The following MITF variants were observed in gnomAD, a reference collection of about 807,000 sequenced individuals.
The protein encoded by MITF is microphthalmia-associated transcription factor.
MITF carries 17 observed loss-of-function variants against 60.5 expected under a neutral mutation model. That is an observed-to-expected ratio of 0.28 (90% CI 0.19 to 0.42). MITF has a LOEUF of 0.42. MITF is among the 10% of genes least tolerant of loss of function. The pLI is 1.00. For synonymous variants in MITF, 260 were observed against 248.5 expected, an observed-to-expected ratio of 1.05 and a Z score of -0.43; for missense variants, 622 against 683.5, an observed-to-expected ratio of 0.91 and a Z score of 1.00.
rs375453566 is a variant in MITF at position 69,788,841 on chromosome 3, A to G, written c.104+49140A>G. On this transcript the variant is annotated intron_variant, in intron 1 of 9. Transcript: ENST00000352241. ...TTGACAAGGGTGCCAAGATGATTCA[A>G]TGAAGTAAGGACAGTCTCTTCATCA... 5.4e-4 allele frequency among the ~76,000 whole-genome samples: 83 copies of G among 152,332 alleles called. No individual in the cohort carries two copies. In the South Asian group the frequency reaches 0.017, roughly 31 times the overall value.
At chr3:69,930,731 C>G (rs532415969) in intron 2 of MITF, among the ~76,000 whole-genome samples, 9 of 152,394 alleles carry the variant, frequency 5.9e-5, no homozygotes, top group African/African-American at 2.2e-4. Context: ...GCTGGGTCAG[C>G]ATCCCCTGGC....
intron 1 of MITF, among the ~76,000 whole-genome samples, chr3:69,768,285 C>T (rs1559618593): frequency 6.6e-6 from 1 of 152,190 alleles, no homozygotes; most frequent in Non-Finnish European, 1.5e-5. Context: ...AGATAAACCT[C>T]AAGGTCTGTG....
chr3:69,965,911 A>G lies in MITF; in HGVS notation c.*663A>G. The G allele has an allele frequency of 4.3e-6, 1 of 231,686 alleles. No homozygotes were observed. Among genetic ancestry groups the G allele is most frequent in the South Asian group, 1.8e-4 (1 of 5,524 alleles). The allele number at this position is 231,686 out of a possible 1,614,324, so 14.4% of individuals were successfully genotyped here. A position where few individuals can be genotyped will look rare whatever the true frequency, so the allele number is the denominator to read the frequency against. ...GGGAGTTAGACCAAGGCTCTGAAAT[A>G]TAAAGTCTAATCTTGCTCTCTTTTA... On this transcript the variant is annotated 3_prime_UTR_variant, in exon 10 of 10. Coordinates refer to ENST00000352241, the MANE Select transcript of MITF (RefSeq NM_001354604.2).
chr3:69,856,369 A>C (rs1216251435), intron 1 of MITF, among the ~76,000 whole-genome samples: 3 of 152,236 alleles, frequency 2.0e-5, no homozygotes, highest in Non-Finnish European at 4.4e-5. Context: ...TGAAATTGAA[A>C]GAAAATTGTT....
intron 1 of MITF, among the ~76,000 whole-genome samples, chr3:69,742,405 T>C (rs1050412073): frequency 4.6e-5 from 7 of 152,118 alleles, no homozygotes; most frequent in African/African-American, 1.7e-4. Context: ...AAACCTCAAG[T>C]CAGATCCTGT....
At chr3:69,820,205 A>G (rs1347408564) in intron 1 of MITF, among the ~76,000 whole-genome samples, 1 of 152,224 alleles carries the variant, frequency 6.6e-6, no homozygotes, top group Non-Finnish European at 1.5e-5. Context: ...AATTGACTTC[A>G]CGTGCTTCAT....
chr3:69,802,009 T>C (rs986134133), intron 1 of MITF, among the ~76,000 whole-genome samples: 2 of 152,318 alleles, frequency 1.3e-5, no homozygotes, highest in East Asian at 3.9e-4. Flanking sequence ...ATTATTATTA[T>C]TTTTGTAATT....
chr3:69,767,791 G>A (rs1295415843), intron 1 of MITF, among the ~76,000 whole-genome samples: 1 of 152,114 alleles, frequency 6.6e-6, no homozygotes, highest in African/African-American at 2.4e-5. Flanking sequence ...AATGAAGAAT[G>A]GGTTGGAGGG....
chr3:69,875,646 G>C (rs376244812), intron 1 of MITF, among the ~76,000 whole-genome samples: 1 of 152,154 alleles, frequency 6.6e-6, no homozygotes, highest in African/African-American at 2.4e-5. Flanking sequence ...TCACGTCCTC[G>C]TTTTAAAAAA....
At chr3:69,843,344 G>A (rs1365434301) in intron 1 of MITF, among the ~76,000 whole-genome samples, 1 of 152,108 alleles carries the variant, frequency 6.6e-6, no homozygotes, top group African/African-American at 2.4e-5. Flanking sequence ...AATAGTTCAG[G>A]GAAATCTGTA....
intron 9 of MITF, among the ~76,000 whole-genome samples, chr3:69,964,219 C>T (rs1047301111): frequency 1.3e-5 from 2 of 151,802 alleles, no homozygotes; most frequent in African/African-American, 4.8e-5. Context: ...CTCAGGTGAT[C>T]CGCCCCCCTC....
chr3:69,752,809 T>C (rs1180750762), intron 1 of MITF, among the ~76,000 whole-genome samples: 1 of 152,134 alleles, frequency 6.6e-6, no homozygotes, highest in East Asian at 1.9e-4. Context: ...CATTTAAAAG[T>C]GTGTAGGACC....
intron 2 of MITF, among the ~76,000 whole-genome samples, chr3:69,883,046 C>T (rs949540016): frequency 2.6e-5 from 4 of 152,092 alleles, no homozygotes; most frequent in African/African-American, 9.7e-5. Context: ...AAGGCAAAGT[C>T]GAAGTGTCTT....
At chr3:69,881,566 TATA>T (rs2064488570) in intron 2 of MITF, among the ~76,000 whole-genome samples, 1 of 151,966 alleles carries the variant, frequency 6.6e-6, no homozygotes, top group Non-Finnish European at 1.5e-5. Flanking sequence ...ACTTCATAAA[TATA>T]GTTGGCTTAT....
intron 1 of MITF, among the ~76,000 whole-genome samples, chr3:69,751,711 C>T (rs915393032): frequency 2.0e-5 from 3 of 152,036 alleles, no homozygotes; most frequent in Admixed American, 1.3e-4. Flanking sequence ...CACTTACTGG[C>T]TATATATGTG....
chr3:69,879,676 C>A (rs922367086), intron 2 of MITF, among the ~76,000 whole-genome samples: 8 of 152,074 alleles, frequency 5.3e-5, no homozygotes, highest in Non-Finnish European at 1.2e-4. Context: ...GTTTCAAAAC[C>A]AGAATTATCT....
At chr3:69,835,768 A>G (rs2063530269) in intron 1 of MITF, among the ~76,000 whole-genome samples, 2 of 152,112 alleles carry the variant, frequency 1.3e-5, no homozygotes, top group Non-Finnish European at 2.9e-5. Context: ...GCACATTTGT[A>G]AAAAGTCATT....
chr3:69,822,739 C>G (rs1332808277), intron 1 of MITF, among the ~76,000 whole-genome samples: 3 of 152,146 alleles, frequency 2.0e-5, no homozygotes, highest in African/African-American at 7.2e-5. Flanking sequence ...TTCACCCACC[C>G]ACATACAAAC....
At chr3:69,870,337 CAT>C (rs1045223501) in intron 1 of MITF, among the ~76,000 whole-genome samples, 2 of 146,864 alleles carry the variant, frequency 1.4e-5, no homozygotes, top group Non-Finnish European at 3.0e-5. Context: ...TACACACATA[CAT>C]GTGTGTATAT....
Sources: gnomAD v4.1 joint callset for allele counts (sites outside exome capture counted in the v4.1 genomes callset) on GRCh38, gnomAD v4.1.1 for gene constraint, MANE v1.5 for transcripts, NCBI Gene and HGNC (gene_info 2026-07-23, HGNC 2026-07-21) for gene names.